OR2C1: variants seen among roughly 807,000 people sequenced by gnomAD.
OR2C1 encodes the protein olfactory receptor family 2 subfamily C member 1.
For synonymous variants in OR2C1, 209 were observed against 167.3 expected, an observed-to-expected ratio of 1.25 and a Z score of -1.92; for missense variants, 468 against 388.3, an observed-to-expected ratio of 1.21 and a Z score of -1.73.
the OR2C1 span, among the ~76,000 whole-genome samples, chr16:3,325,504 T>C: frequency 5.0e-3 from 627 of 124,498 alleles, 3 homozygotes; most frequent in African/African-American, 0.013. Flanking sequence ...TATATATATA[T>C]ACACTTTAAA....
At chr16:3,330,458 TG>T in the OR2C1 span, among the ~76,000 whole-genome samples, 1 of 152,130 alleles carries the variant, frequency 6.6e-6, no homozygotes. Flanking sequence ...CAAAACAGTG[TG>T]CTATTTGTAA....
chr16:3,329,902 C>G, the OR2C1 span, among the ~76,000 whole-genome samples: 64 of 151,154 alleles, frequency 4.2e-4, no homozygotes, highest in African/African-American at 1.4e-3. Flanking sequence ...TTACAGGTGC[C>G]CGCCATTATG....
chr16:3,343,392 C>G, the OR2C1 span, among the ~76,000 whole-genome samples: 1 of 152,110 alleles, frequency 6.6e-6, no homozygotes, highest in African/African-American at 2.4e-5. Context: ...CCGTGTCTAG[C>G]CTCTGTATTA....
the OR2C1 span, among the ~76,000 whole-genome samples, chr16:3,347,114 G>A: frequency 1.3e-5 from 2 of 151,122 alleles, no homozygotes; most frequent in South Asian, 2.1e-4. Flanking sequence ...GGGCACAGTG[G>A]TGCGTGCCTG....
the OR2C1 span, among the ~76,000 whole-genome samples, chr16:3,332,747 A>G: frequency 2.2e-5 from 3 of 139,020 alleles, no homozygotes; most frequent in Non-Finnish European, 3.2e-5. Flanking sequence ...GCACATATAC[A>G]TACACCACAT....
the OR2C1 span, among the ~76,000 whole-genome samples, chr16:3,348,702 G>A: frequency 2.6e-5 from 4 of 152,214 alleles, no homozygotes; most frequent in Non-Finnish European, 5.9e-5. Flanking sequence ...CCCTTAGAGT[G>A]TCTTGAATGA....
At chr16:3,330,374 C>G in the OR2C1 span, among the ~76,000 whole-genome samples, 1 of 152,074 alleles carries the variant, frequency 6.6e-6, no homozygotes, top group African/African-American at 2.4e-5. Context: ...CCTCAGCCTC[C>G]CGAAGTGCTG....
At chr16:3,329,169 GACACACAC>G in the OR2C1 span, among the ~76,000 whole-genome samples, 355 of 115,148 alleles carry the variant, frequency 3.1e-3, 2 homozygotes, top group African/African-American at 0.011. Context: ...TGGGAGGGAA[GACACACAC>G]ACACACACAC....
At chr16:3,326,251 G>A in the OR2C1 span, among the ~76,000 whole-genome samples, 1 of 152,008 alleles carries the variant, frequency 6.6e-6, no homozygotes, top group African/African-American at 2.4e-5. Context: ...TATGATGACA[G>A]CCTGGGACGC....
chr16:3,353,273 C>G (rs981060440), upstream of OR2C1, among the ~76,000 whole-genome samples: 1 of 151,432 alleles, frequency 6.6e-6, no homozygotes, highest in Admixed American at 6.6e-5. Context: ...GGGCAGATCA[C>G]GAGGTCAAGA....
the OR2C1 span, among the ~76,000 whole-genome samples, chr16:3,337,064 A>G: frequency 6.6e-6 from 1 of 151,950 alleles, no homozygotes; most frequent in African/African-American, 2.4e-5. Flanking sequence ...CATGTTGGTC[A>G]GGCTGGTCTC....
In OR2C1 at chr16:3,356,923, C is replaced by A; in HGVS notation, c.*44C>A. ...TTTATTGCGTCTTCATCTCTACATGCGTTTCTCATTAACTCTCTCTGGCCA... is the reference window on the plus strand; with the variant it reads ...TTTATTGCGTCTTCATCTCTACATGAGTTTCTCATTAACTCTCTCTGGCCA... On this transcript the variant is annotated 3_prime_UTR_variant, in exon 1 of 1. Transcript: ENST00000304936. 1 of 1,424,542 alleles carries A rather than the reference C, an allele frequency of 7.0e-7. No individual in the cohort carries two copies. Among genetic ancestry groups the A allele is most frequent in the East Asian group, 2.5e-5 (1 of 40,392 alleles). 88.2% of individuals were successfully genotyped at this position (1,424,542 alleles called of 1,614,324 possible).
chr16:3,347,776 GCACACACGCACACACACATGCACA>G, the OR2C1 span, among the ~76,000 whole-genome samples: 5 of 151,288 alleles, frequency 3.3e-5, no homozygotes, highest in African/African-American at 4.9e-5. Context: ...GAACACACAT[GCACACACGCACACACACATGCACA>G]CACGCACGTG....
chr16:3,336,710 TTC>T, the OR2C1 span, among the ~76,000 whole-genome samples: 13 of 135,128 alleles, frequency 9.6e-5, no homozygotes, highest in African/African-American at 2.8e-4. Flanking sequence ...CTTTCTTTCT[TTC>T]TTTTTTTTTT....
the OR2C1 span, among the ~76,000 whole-genome samples, chr16:3,348,776 A>G: frequency 6.6e-6 from 1 of 152,204 alleles, no homozygotes; most frequent in African/African-American, 2.4e-5. Flanking sequence ...CGGCCTAATC[A>G]GGTTACCAGG....
the OR2C1 span, among the ~76,000 whole-genome samples, chr16:3,346,576 C>T: frequency 6.7e-6 from 1 of 150,000 alleles, no homozygotes. Context: ...AAATGTTTAA[C>T]TTAAACTCTT....
chr16:3,326,876 T>C, the OR2C1 span, among the ~76,000 whole-genome samples: 12 of 152,168 alleles, frequency 7.9e-5, no homozygotes, highest in Non-Finnish European at 1.8e-4. Flanking sequence ...AATAGAGTGA[T>C]AGAAATTCAG....
downstream of OR2C1, among the ~76,000 whole-genome samples, chr16:3,358,132 C>A (rs1384419693): frequency 6.6e-6 from 1 of 150,896 alleles, no homozygotes; most frequent in South Asian, 2.1e-4. Context: ...AAGATTAAGC[C>A]AGGCACGGTG....
At chr16:3,330,223 C>T in the OR2C1 span, among the ~76,000 whole-genome samples, 1 of 152,032 alleles carries the variant, frequency 6.6e-6, no homozygotes, top group East Asian at 1.9e-4. Flanking sequence ...TCTCCTGCCT[C>T]AACCTCCCGA....
Sources: gnomAD v4.1 joint callset for allele counts (sites outside exome capture counted in the v4.1 genomes callset) on GRCh38, gnomAD v4.1.1 for gene constraint, MANE v1.5 for transcripts, NCBI Gene and HGNC (gene_info 2026-07-23, HGNC 2026-07-21) for gene names.